MYSM1: variants seen among roughly 807,000 people sequenced by gnomAD.
MYSM1 encodes the protein Myb like, SWIRM and MPN domains 1.
A neutral mutation model predicts 116.0 loss-of-function variants in MYSM1; 51 were observed. The observed-to-expected ratio is 0.44, with a 90% CI of 0.35 to 0.56. The LOEUF is 0.56. Ranked by LOEUF, MYSM1 falls within the 20% of genes least tolerant of loss-of-function variation. The pLI is 0.00. For missense variants in MYSM1, 900 were observed against 974.9 expected (o/e 0.92, Z 1.02); for synonymous variants, 313 against 315.2 (o/e 0.99, Z 0.07).
Position 58,665,500 on chromosome 1 carries a change from A to G in MYSM1, c.2163T>C (p.Tyr721=), listed in dbSNP as rs754483165. ...ISEEISPDGS[Y]RLPYKFEVQQ... ...AAGTTATTTTTGTTGAAAACTTACG[A>G]TAAGAGCCATCTGGGCTAATTTCCT... The change falls in exon 17 of 20, where the codon TAT becomes TAC. Residue 721 remains tyrosine (Y), a splice_region_variant and synonymous_variant. Transcript: ENST00000472487. 4.2e-5 allele frequency: 66 copies of G among 1,587,610 alleles called. No individual in the cohort carries two copies. The Admixed American group carries it at 1.1e-3, about 26-fold the overall frequency.
chr1:58,675,340 GCTAAGGTGAAACACAAGAGGAAA>G (rs1644633517), intron 10 of MYSM1, 114 bp downstream of exon 10: 1 of 625,364 alleles, frequency 1.6e-6, no homozygotes, highest in South Asian at 2.3e-5. Flanking sequence ...AAAGCGAATT[GCTAAGGTGAAACACAAGAGGAAA>G]CATGTTTTTC....
At chr1:58,688,843 C>T (rs1644864905) in intron 6 of MYSM1, among the ~76,000 whole-genome samples, 195 bp downstream of exon 6, 2 of 151,998 alleles carry the variant, frequency 1.3e-5, no homozygotes, top group Admixed American at 1.3e-4. Flanking sequence ...TATTTTAGTA[C>T]CTTAGATCTA....
At chr1:58,675,641 G>A in intron 9 of MYSM1, 61 bp from the exon 10 acceptor site, 6 of 1,283,656 alleles carry the variant, frequency 4.7e-6, no homozygotes, top group Non-Finnish European at 6.7e-6. Flanking sequence ...TTGTTAAACA[G>A]TAAGACACAT....
rs1212016612 is a variant in MYSM1, at chr1:58,657,701, CTG to C, written c.*2294_*2295del. ...TGAGATATTTGTACTTCACACTTCT[CTG>C]TATTTTAAAATATACTTTACAAGAC... On this transcript the variant is annotated 3_prime_UTR_variant, in exon 20 of 20. Coordinates refer to ENST00000472487, the MANE Select transcript of MYSM1 (RefSeq NM_001085487.3). 1.3e-5 allele frequency: 2 copies of C among 151,996 alleles called. No homozygotes were observed. The highest frequency in any genetic ancestry group is 2.9e-5 in the Non-Finnish European group (2 of 67,982). 9.4% of individuals were successfully genotyped at this position (151,996 alleles called of 1,614,324 possible).
chr1:58,690,861 C>T (rs565660658), intron 3 of MYSM1, among the ~76,000 whole-genome samples: 17 of 152,174 alleles, frequency 1.1e-4, no homozygotes, highest in Admixed American at 7.9e-4. Flanking sequence ...CAAGGCAATT[C>T]GGGAATAATT....
chr1:58,682,634 TTA>T, intron 7 of MYSM1, 89 bp from the exon 8 acceptor site: 1 of 1,215,626 alleles, frequency 8.2e-7, no homozygotes, highest in East Asian at 2.6e-5. Context: ...ATATACAGTG[TTA>T]TTAAACTGAA....
chr1:58,659,827 C>A lies in MYSM1; in HGVS notation c.*170G>T. ...CACTCTGATAATCACTATATGAAAA[C>A]AAATTTGTATCTCTTCCTTTTCACA... On this transcript the variant is annotated 3_prime_UTR_variant, in exon 20 of 20. Transcript: ENST00000472487. 1.9e-6 allele frequency: 1 copy of A among 522,004 alleles called. No homozygotes were observed. Among genetic ancestry groups the A allele is most frequent in the South Asian group, 3.4e-5 (1 of 29,198 alleles). 32.3% of individuals were successfully genotyped at this position (522,004 alleles called of 1,614,324 possible).
chr1:58,668,544 G>T, intron 14 of MYSM1, 88 bp downstream of exon 14: 1 of 1,445,580 alleles, frequency 6.9e-7, no homozygotes, highest in Non-Finnish European at 9.1e-7. Context: ...CAAAATACAC[G>T]TCTTCCATAC....
intron 3 of MYSM1, among the ~76,000 whole-genome samples, chr1:58,691,149 G>A (rs1557525356): frequency 1.3e-5 from 2 of 151,958 alleles, no homozygotes; most frequent in South Asian, 2.1e-4. Context: ...GCGTGGTGGC[G>A]GGCGCCTGTA....
chr1:58,699,572 G>A (rs1645032626), intron 1 of MYSM1: 2 of 951,768 alleles, frequency 2.1e-6, no homozygotes, highest in South Asian at 4.9e-5. Context: ...GGGATGAAAC[G>A]ACTCGCCCAA....
rs1644322932 is a variant in MYSM1, at chr1:58,656,652, T to C, written c.*3345A>G. On this transcript the variant is annotated 3_prime_UTR_variant, in exon 20 of 20. Coordinates refer to ENST00000472487, the MANE Select transcript of MYSM1 (RefSeq NM_001085487.3). ...TCTATAGATCTATAACCGTGGAAAC[T>C]GCAGTGCTCCTGGATGGAGTGGCAA... 1 of 152,200 alleles carries C rather than the reference T, an allele frequency of 6.6e-6. No individual in the cohort carries two copies. The highest frequency in any genetic ancestry group is 6.5e-5 in the Admixed American group (1 of 15,274). The allele number at this position is 152,200 out of a possible 1,614,324, so 9.4% of individuals were successfully genotyped here.
Position 58,677,023 on chromosome 1 carries a change from G to A in MYSM1, c.1293C>T (p.Thr431=). 1.2e-6 allele frequency: 2 copies of A among 1,607,218 alleles called. No individual in the cohort carries two copies. Among genetic ancestry groups the A allele is most frequent in the East Asian group, 2.3e-5 (1 of 44,254 alleles). ...AGTTCTTCAGGCCAGGACGTACTGA[G>A]GTCTTATTTAAGTATTTTGGTTTGC... ...EICKPKYLNK[T]SVRPGLKNCG... Residue 431 remains threonine, a synonymous_variant, in exon 9 of 20, where the codon ACC becomes ACT. Transcript: ENST00000472487.
intron 7 of MYSM1, among the ~76,000 whole-genome samples, chr1:58,682,759 A>G (rs1035135439): frequency 2.7e-5 from 4 of 149,324 alleles, no homozygotes; most frequent in African/African-American, 9.9e-5. Flanking sequence ...GCAGTGGCGC[A>G]ATCCCAGGCC....
At position 58,677,048 on chromosome 1, in the gene MYSM1, C is replaced by T; in HGVS notation, c.1268G>A (p.Cys423Tyr). The change falls in exon 9 of 20, where the codon TGC becomes TAC. Residue 423 changes from cysteine to tyrosine, a missense_variant. Cys to Tyr is a radical substitution (Grantham distance 194). Coordinates refer to ENST00000472487, the MANE Select transcript of MYSM1 (RefSeq NM_001085487.3). ...GGTCTTATTTAAGTATTTTGGTTTG[C>T]ATATCTCCCTAATTAAGAGACAGAA... ...RNYILDQWEI[C>Y]KPKYLNKTSV... 1 of 1,599,830 alleles carries T rather than the reference C, an allele frequency of 6.3e-7. No individual in the cohort carries two copies. Among genetic ancestry groups the T allele is most frequent in the Non-Finnish European group, 8.5e-7 (1 of 1,173,740 alleles).
Position 58,690,431 on chromosome 1 carries a change from A to G in MYSM1, c.219-14T>C, listed in dbSNP as rs556350060. On this transcript the variant is annotated splice_polypyrimidine_tract_variant and intron_variant, in intron 3 of 19. Coordinates refer to ENST00000472487, the MANE Select transcript of MYSM1 (RefSeq NM_001085487.3). ...GATAAATAATATCTGTGTAACTATC[A>G]AGGAAACTTTTTAAACAATATTACA... The G allele has an allele frequency of 1.9e-6, 3 of 1,550,908 alleles. No individual in the cohort carries two copies. The highest frequency in any genetic ancestry group is 2.3e-5 in the East Asian group (1 of 44,244).
intron 7 of MYSM1, among the ~76,000 whole-genome samples, chr1:58,684,357 A>C (rs1202160051): frequency 6.6e-6 from 1 of 152,042 alleles, no homozygotes; most frequent in Non-Finnish European, 1.5e-5. Context: ...CGAGGTCAGG[A>C]GATCCAGACC....
chr1:58,678,607 C>A (rs1644691063), intron 8 of MYSM1, among the ~76,000 whole-genome samples: 1 of 152,060 alleles, frequency 6.6e-6, no homozygotes, highest in African/African-American at 2.4e-5. Context: ...ATGTTGCCTG[C>A]ATTATCATGG....
intron 11 of MYSM1, 69 bp downstream of exon 11, chr1:58,673,504 A>T: frequency 5.7e-6 from 7 of 1,218,658 alleles, no homozygotes; most frequent in Non-Finnish European, 8.4e-6. Flanking sequence ...TACATATGAC[A>T]TTAAGATGTA....
Position 58,682,407 on chromosome 1 carries a change from T to G in MYSM1, c.637A>C (p.Lys213Gln), listed in dbSNP as rs751202035. The G allele has an allele frequency of 6.2e-7, 1 of 1,614,074 alleles. No individual in the cohort carries two copies. The highest frequency in any genetic ancestry group is 1.3e-5 in the African/African-American group (1 of 74,926). Residue 213 changes from lysine (K) to glutamine (Q), a missense_variant, in exon 8 of 20, where the codon AAA (lysine) becomes CAA (glutamine). By Grantham distance (53) the Lys-to-Gln change is moderately conservative. Around this residue, in one of 3 missense-constraint regions of MYSM1, gnomAD observed 622 missense variants for 623.7 expected, o/e 1.00. Coordinates refer to ENST00000472487, the MANE Select transcript of MYSM1 (RefSeq NM_001085487.3). Reference sequence around the variant, plus strand: ...TCATCATCAGATAACTTTTCAATTTTTACAGCATTCAAGTTGGGATCAGCA... The same window carrying G: ...TCATCATCAGATAACTTTTCAATTTGTACAGCATTCAAGTTGGGATCAGCA... ...GRADPNLNAV[K>Q]IEKLSDDEEV...
Sources: allele counts gnomAD v4.1 joint callset (sites outside exome capture counted in the v4.1 genomes callset), GRCh38; gene constraint gnomAD v4.1.1; regional missense constraint gnomAD v4.1.1; transcripts MANE v1.5; gene names NCBI Gene and HGNC (gene_info 2026-07-23, HGNC 2026-07-21).